The following ECPAS variants were observed in gnomAD, a reference collection of about 807,000 sequenced individuals.
ECPAS encodes proteasome adapter and scaffold protein ECM29.
ECPAS carries 70 observed loss-of-function variants against 255.1 expected under a neutral mutation model. The ratio of observed to expected loss-of-function variants is 0.27; its 90% CI spans 0.23 to 0.33. The LOEUF (loss-of-function observed/expected upper bound fraction) is 0.33, where lower values mean the gene tolerates loss of function less well. ECPAS is among the 10% of genes least tolerant of loss of function. ECPAS has a pLI of 1.00. For synonymous variants in ECPAS, 784 were observed against 775.0 expected, an observed-to-expected ratio of 1.01 and a Z score of -0.19; for missense variants, 1,817 against 2,206.4, an observed-to-expected ratio of 0.82 and a Z score of 3.54.
At chr9:111,453,772 A>C (rs947073572) in intron 2 of ECPAS, among the ~76,000 whole-genome samples, 2 of 151,996 alleles carry the variant, frequency 1.3e-5, no homozygotes, top group African/African-American at 4.8e-5. Context: ...CAACAGAAAA[A>C]CCCAAACTGG....
chr9:111,376,292 G>A (rs2098133296), intron 37 of ECPAS, among the ~76,000 whole-genome samples, 184 bp downstream of exon 37: 1 of 152,074 alleles, frequency 6.6e-6, no homozygotes, highest in Non-Finnish European at 1.5e-5. Flanking sequence ...GGTATTTGGG[G>A]AATTATTTAT....
rs1435894858 is a variant in ECPAS at position 111,452,175 on chromosome 9, G to A, written c.23-620C>T. 5.9e-5 allele frequency among the ~76,000 whole-genome samples: 9 copies of A among 152,202 alleles called. No individual in the cohort carries two copies. In the East Asian group the frequency reaches 1.7e-3, roughly 29 times the overall value. ...GCAAGCAGGAAGATGGGAATGAAAG[G>A]GGAGCCTATGCAAACAACTAGATAT... is the stretch of plus-strand genomic sequence containing the variant. On this transcript the variant is annotated intron_variant, in intron 2 of 49. Transcript: ENST00000684092.
rs754900702 is a variant in ECPAS, at chr9:111,389,591, T to C, written c.3412A>G (p.Ser1138Gly). 6.2e-7 allele frequency: 1 copy of C among 1,613,706 alleles called. No homozygotes were observed. The highest frequency in any genetic ancestry group is 8.5e-7 in the Non-Finnish European group (1 of 1,179,780). ...TCAGTGACCAACGCATTCCAAATACTTGTCATGGCCTGTCGAATGCCAAGG... is the reference window on the plus strand; with the variant it reads ...TCAGTGACCAACGCATTCCAAATACCTGTCATGGCCTGTCGAATGCCAAGG... Reference protein sequence around the residue: ...PNLGIRQAMTSIWNALVTDKS... With the variant: ...PNLGIRQAMTGIWNALVTDKS... The change falls in exon 31 of 50, where the codon AGT becomes GGT. Residue 1138 changes from serine to glycine, a missense_variant. Ser to Gly is a moderately conservative substitution (Grantham distance 56). This residue lies in a region of ECPAS where 960 missense variants were observed against 1,179.0 expected (regional missense o/e 0.81). Transcript: ENST00000684092.
At chr9:111,469,288 C>T (rs2098283374) in intron 2 of ECPAS, among the ~76,000 whole-genome samples, 1 of 152,148 alleles carries the variant, frequency 6.6e-6, no homozygotes, top group Non-Finnish European at 1.5e-5. Flanking sequence ...AATCCCAGCA[C>T]TTTGGAGGCC....
intron 1 of ECPAS, among the ~76,000 whole-genome samples, chr9:111,478,120 C>T (rs892693477): frequency 1.3e-5 from 2 of 150,796 alleles, no homozygotes; most frequent in African/African-American, 2.4e-5. Flanking sequence ...AGGCTGGTCT[C>T]GAACTCCTGG....
chr9:111,398,150 A>C (rs958630814), intron 24 of ECPAS, among the ~76,000 whole-genome samples: 1 of 152,226 alleles, frequency 6.6e-6, no homozygotes, highest in Admixed American at 6.5e-5. Context: ...TTCCTACGCC[A>C]ATCAACAAAC....
intron 36 of ECPAS, among the ~76,000 whole-genome samples, chr9:111,377,244 T>A (rs968608451): frequency 3.3e-5 from 5 of 152,090 alleles, no homozygotes; most frequent in African/African-American, 1.2e-4. Flanking sequence ...GATCAAATAG[T>A]GAACAGAGGA....
At chr9:111,410,486 T>TA (rs2098192316) in intron 22 of ECPAS, among the ~76,000 whole-genome samples, 6 of 150,802 alleles carry the variant, frequency 4.0e-5, no homozygotes, top group African/African-American at 1.5e-4. Context: ...AGAAAAAAAA[T>TA]AGAGTGCTTT....
At chr9:111,417,785 G>T in intron 17 of ECPAS, 98 bp downstream of exon 17, 2 of 1,114,398 alleles carry the variant, frequency 1.8e-6, no homozygotes, top group Non-Finnish European at 2.5e-6. Context: ...GAAATTTTAT[G>T]AGTCAACATC....
chr9:111,376,663 A>C, intron 36 of ECPAS, 122 bp from the exon 37 acceptor site: 1 of 732,550 alleles, frequency 1.4e-6, no homozygotes, highest in Non-Finnish European at 2.3e-6. Flanking sequence ...ATCCGTAGCT[A>C]TAACAAAGGC....
intron 24 of ECPAS, among the ~76,000 whole-genome samples, chr9:111,400,724 C>T (rs2098174621): frequency 6.6e-6 from 1 of 152,060 alleles, no homozygotes; most frequent in South Asian, 2.1e-4. Flanking sequence ...CTTGAAAACA[C>T]ACAGTCAGAG....
intron 1 of ECPAS, 156 bp downstream of exon 1, chr9:111,483,960 C>T (rs1055493367): frequency 9.2e-6 from 9 of 982,050 alleles, no homozygotes; most frequent in Non-Finnish European, 1.1e-5. Context: ...CCCGCCCTCG[C>T]TCGCTCGCGG....
At position 111,376,536 on chromosome 9, in the gene ECPAS, C is replaced by T. The variant is rs548956545; in HGVS notation, c.3960G>A (p.Ala1320=). ...SLRATEQEKA[A]MDSARLSAAK... is the part of the protein sequence containing the mutation. Reference sequence around the variant, plus strand: ...CAGCACTAAGCCGAGCACTATCCATCGCAGCCTAAAGAAGAGAAATTAAAG... The same window carrying T: ...CAGCACTAAGCCGAGCACTATCCATTGCAGCCTAAAGAAGAGAAATTAAAG... The change falls in exon 37 of 50, where the codon GCG becomes GCA. Residue 1320 remains alanine (A), a synonymous_variant. Coordinates refer to ENST00000684092, the MANE Select transcript of ECPAS (RefSeq NM_001364929.1). The T allele has an allele frequency of 1.7e-5, 27 of 1,595,852 alleles. No homozygotes were observed. The highest frequency in any genetic ancestry group is 5.7e-5 in the South Asian group (5 of 87,462).
chr9:111,437,249 T>TA (rs1192015565), intron 6 of ECPAS, 141 bp from the exon 7 acceptor site: 14 of 694,398 alleles, frequency 2.0e-5, no homozygotes, highest in East Asian at 3.5e-5. Flanking sequence ...AATTTCATCA[T>TA]AAAAAAAATT....
chr9:111,477,598 T>C (rs189684302), intron 1 of ECPAS, among the ~76,000 whole-genome samples: 49 of 152,236 alleles, frequency 3.2e-4, no homozygotes, highest in Non-Finnish European at 2.9e-4. Flanking sequence ...AATAACACAG[T>C]AGTAGTAGGG....
intron 46 of ECPAS, among the ~76,000 whole-genome samples, chr9:111,367,141 A>G (rs1445768336): frequency 6.6e-6 from 1 of 152,220 alleles, no homozygotes; most frequent in Non-Finnish European, 1.5e-5. Context: ...CTGTAATTAT[A>G]ACTATATAAT....
chr9:111,435,434 TG>T (rs1260457547), intron 7 of ECPAS, among the ~76,000 whole-genome samples: 2 of 152,178 alleles, frequency 1.3e-5, no homozygotes, highest in Non-Finnish European at 2.9e-5. Flanking sequence ...AGATTGTAAT[TG>T]AACAATAACA....
intron 49 of ECPAS, among the ~76,000 whole-genome samples, chr9:111,362,506 C>T (rs1343104505): frequency 6.6e-6 from 1 of 151,726 alleles, no homozygotes; most frequent in East Asian, 1.9e-4. Flanking sequence ...GCAAAAAAGT[C>T]ATTTCAACAA....
chr9:111,465,400 C>A lies in ECPAS; in HGVS notation c.22+7497G>T, dbSNP rs544864013. On this transcript the variant is annotated intron_variant, in intron 2 of 49. Transcript: ENST00000684092. ...ACTTAAAATAAAAAAATTAGCCAGG[C>A]ATGGTGGCGGGCGCCTGTAATCCGA... 2.6e-5 allele frequency among the ~76,000 whole-genome samples: 4 copies of A among 151,998 alleles called. No homozygotes were observed. In the South Asian group the frequency reaches 8.3e-4, roughly 32 times the overall value.
Sources: gnomAD v4.1 joint callset for allele counts (sites outside exome capture counted in the v4.1 genomes callset) on GRCh38, gnomAD v4.1.1 for gene constraint, gnomAD v4.1.1 regional missense constraint, MANE v1.5 for transcripts, NCBI Gene and HGNC (gene_info 2026-07-23, HGNC 2026-07-21) for gene names.